CSMD1: variants seen among roughly 807,000 people sequenced by gnomAD.
CSMD1 encodes CUB and sushi domain-containing protein 1.
A neutral mutation model predicts 417.5 loss-of-function variants in CSMD1; 213 were observed. The ratio of observed to expected loss-of-function variants is 0.51; its 90% CI spans 0.46 to 0.57. CSMD1 has a LOEUF of 0.57. CSMD1 is among the 20% of genes least tolerant of loss of function. CSMD1 has a pLI of 0.00. For missense variants in CSMD1, 6,923 were observed against 4,529.7 expected (o/e 1.53, Z -15.17); for synonymous variants, 2,862 against 1,736.8 (o/e 1.65, Z -16.11).
chr8:3,277,316 C>G (rs1283445144), intron 26 of CSMD1, among the ~76,000 whole-genome samples: 1 of 152,094 alleles, frequency 6.6e-6, no homozygotes, highest in Non-Finnish European at 1.5e-5. Flanking sequence ...GCCCACGTTG[C>G]TGCGGAAAAG....
intron 2 of CSMD1, among the ~76,000 whole-genome samples, chr8:4,490,661 G>A (rs1012284000): frequency 6.6e-6 from 1 of 152,090 alleles, no homozygotes; most frequent in Non-Finnish European, 1.5e-5. Context: ...TGCTCAGAAT[G>A]GTCTTAATAT....
At chr8:4,616,210 C>T (rs1801466572) in intron 2 of CSMD1, among the ~76,000 whole-genome samples, 1 of 152,100 alleles carries the variant, frequency 6.6e-6, no homozygotes, top group Non-Finnish European at 1.5e-5. Flanking sequence ...TGAAGTTCCG[C>T]ACTTTACTTA....
intron 4 of CSMD1, among the ~76,000 whole-genome samples, chr8:4,003,427 T>A (rs1235278343): frequency 6.6e-6 from 1 of 150,456 alleles, no homozygotes; most frequent in Non-Finnish European, 1.5e-5. Context: ...AACAAATAAA[T>A]AAATAAATAA....
chr8:3,295,383 C>A (rs1372723089), intron 25 of CSMD1, among the ~76,000 whole-genome samples: 1 of 152,106 alleles, frequency 6.6e-6, no homozygotes, highest in African/African-American at 2.4e-5. Context: ...GCCTCGGCCT[C>A]CCAAAGTGCT....
intron 1 of CSMD1, among the ~76,000 whole-genome samples, chr8:4,921,675 T>C (rs1482098149): frequency 1.3e-5 from 2 of 152,214 alleles, no homozygotes; most frequent in Non-Finnish European, 2.9e-5. Context: ...TGGGTGTGTG[T>C]GTGTCGGTCT....
chr8:4,270,482 C>T (rs969556890), intron 3 of CSMD1, among the ~76,000 whole-genome samples: 1 of 152,078 alleles, frequency 6.6e-6, no homozygotes, highest in African/African-American at 2.4e-5. Context: ...TTCTTCTCCC[C>T]ATGTGGCATA....
At chr8:4,451,581 G>C (rs189570602) in intron 2 of CSMD1, among the ~76,000 whole-genome samples, 1,535 of 152,170 alleles carry the variant, frequency 0.01, 18 homozygotes, top group Non-Finnish European at 0.012. Context: ...GACAAAGAAA[G>C]CCTTAAAAAG....
chr8:4,338,275 C>T (rs767671827), intron 3 of CSMD1, among the ~76,000 whole-genome samples: 2 of 152,114 alleles, frequency 1.3e-5, no homozygotes, highest in Admixed American at 6.6e-5. Flanking sequence ...TGAGTAAGTG[C>T]AAGAGTTCAA....
chr8:4,992,147 G>C (rs1171257483), intron 1 of CSMD1, among the ~76,000 whole-genome samples: 1 of 152,108 alleles, frequency 6.6e-6, no homozygotes, highest in Non-Finnish European at 1.5e-5. Context: ...AGGCGCCCAG[G>C]ACTTTGCAAC....
At chr8:4,542,999 T>C (rs1168501241) in intron 2 of CSMD1, among the ~76,000 whole-genome samples, 1 of 152,194 alleles carries the variant, frequency 6.6e-6, no homozygotes, top group Non-Finnish European at 1.5e-5. Flanking sequence ...ATTGATAGTC[T>C]ATATTTTAGA....
intron 26 of CSMD1, among the ~76,000 whole-genome samples, chr8:3,250,584 T>C (rs1800187566): frequency 6.6e-6 from 1 of 152,214 alleles, no homozygotes; most frequent in African/African-American, 2.4e-5. Flanking sequence ...AGTAATGGGA[T>C]GGCTGGGTCA....
intron 5 of CSMD1, among the ~76,000 whole-genome samples, chr8:3,846,825 C>G (rs1196205570): frequency 6.6e-6 from 1 of 152,084 alleles, no homozygotes; most frequent in Admixed American, 6.5e-5. Flanking sequence ...AGGTGCCTGC[C>G]ACCACGTCTG....
At chr8:3,592,495 A>G (rs1325336556) in intron 8 of CSMD1, among the ~76,000 whole-genome samples, 1 of 152,166 alleles carries the variant, frequency 6.6e-6, no homozygotes, top group Non-Finnish European at 1.5e-5. Flanking sequence ...TGGATTTGCC[A>G]TATTTGTCCT....
chr8:4,322,923 T>A (rs1016146388), intron 3 of CSMD1, among the ~76,000 whole-genome samples: 1 of 152,274 alleles, frequency 6.6e-6, no homozygotes. Flanking sequence ...AGGTGGAGGT[T>A]GCAGTGAGCC....
chr8:3,556,543 CACACA>C (rs1799159435), intron 10 of CSMD1, among the ~76,000 whole-genome samples: 22 of 143,876 alleles, frequency 1.5e-4, no homozygotes, highest in Admixed American at 1.0e-3. Flanking sequence ...CACACACACA[CACACA>C]CACCCTCTCT....
chr8:3,986,119 G>A (rs962174769), intron 5 of CSMD1, among the ~76,000 whole-genome samples: 1 of 151,992 alleles, frequency 6.6e-6, no homozygotes, highest in Non-Finnish European at 1.5e-5. Flanking sequence ...AAGTTCAGAT[G>A]AACAGGATTT....
At chr8:4,470,210 C>G (rs562526137) in intron 2 of CSMD1, among the ~76,000 whole-genome samples, 91 of 152,220 alleles carry the variant, frequency 6.0e-4, no homozygotes, top group African/African-American at 2.1e-3. Context: ...CCTGCCTCCT[C>G]TGGCCTCTGA....
chr8:3,857,072 A>C (rs1430171369), intron 5 of CSMD1, among the ~76,000 whole-genome samples: 1 of 150,498 alleles, frequency 6.6e-6, no homozygotes, highest in Non-Finnish European at 1.5e-5. Context: ...TACTTCAGGA[A>C]AAAAAAAATT....
chr8:3,126,619 C>T (rs982333811), intron 41 of CSMD1, among the ~76,000 whole-genome samples: 2 of 152,192 alleles, frequency 1.3e-5, no homozygotes, highest in East Asian at 1.9e-4. Context: ...CCATATCTAT[C>T]GGCTATTCTA....
Sources: allele counts gnomAD v4.1 joint callset (sites outside exome capture counted in the v4.1 genomes callset), GRCh38; gene constraint gnomAD v4.1.1; transcripts MANE v1.5; gene names NCBI Gene and HGNC (gene_info 2026-07-23, HGNC 2026-07-21).